SLC12A5: variants seen among roughly 807,000 people sequenced by gnomAD.
SLC12A5 encodes K-Cl cotransporter 2.
Under a neutral mutation model 124.0 loss-of-function variants are expected in SLC12A5, and 18 were observed. The observed-to-expected ratio is 0.15, with a 90% CI of 0.10 to 0.22. SLC12A5 has a LOEUF of 0.22. Ranked by LOEUF, SLC12A5 falls within the 10% of genes least tolerant of loss-of-function variation. The pLI is 1.00. For synonymous variants in SLC12A5, 589 were observed against 568.0 expected, an observed-to-expected ratio of 1.04 and a Z score of -0.53; for missense variants, 867 against 1,478.7, an observed-to-expected ratio of 0.59 and a Z score of 6.78.
chr20:46,037,859 G>T (rs899392441), intron 6 of SLC12A5, among the ~76,000 whole-genome samples: 4 of 152,178 alleles, frequency 2.6e-5, no homozygotes, highest in African/African-American at 7.2e-5. Flanking sequence ...ACTGTGCTAG[G>T]TACTCTATGA....
chr20:46,046,439 G>A lies in SLC12A5; in HGVS notation c.1787+3G>A. On this transcript the variant is annotated splice_donor_region_variant and intron_variant, in intron 14 of 25. Coordinates refer to ENST00000243964, the MANE Select transcript of SLC12A5 (RefSeq NM_020708.5). Reference sequence around the variant, plus strand: ...CCACGCTTTCGATATTACCACTGGTGGGTGCTCTGTCCCCACACTTCCACT... The same window carrying A: ...CCACGCTTTCGATATTACCACTGGTAGGTGCTCTGTCCCCACACTTCCACT... The A allele has an allele frequency of 1.2e-6, 2 of 1,613,856 alleles. No homozygotes were observed. Among genetic ancestry groups the A allele is most frequent in the Non-Finnish European group, 1.7e-6 (2 of 1,179,806 alleles).
At chr20:46,041,027 C>A (rs1401921920) in intron 7 of SLC12A5, 4 of 412,636 alleles carry the variant, frequency 9.7e-6, no homozygotes, top group Non-Finnish European at 1.8e-5. Flanking sequence ...GGACTCAGAT[C>A]CAAGTCCACT....
intron 16 of SLC12A5, among the ~76,000 whole-genome samples, chr20:46,048,989 C>A: frequency 6.6e-6 from 1 of 152,194 alleles, no homozygotes; most frequent in East Asian, 1.9e-4. Flanking sequence ...CAACCCCTCA[C>A]TCATCTCCCT....
intron 14 of SLC12A5, 106 bp from the exon 15 acceptor site, chr20:46,047,348 C>T: frequency 6.7e-7 from 1 of 1,487,736 alleles, no homozygotes; most frequent in South Asian, 1.3e-5. Flanking sequence ...CTGTCACCTC[C>T]CAGGTCTTGC....
chr20:46,035,334 C>A, intron 2 of SLC12A5, 70 bp from the exon 3 acceptor site: 1 of 1,558,402 alleles, frequency 6.4e-7, no homozygotes, highest in South Asian at 1.2e-5. Context: ...ATCTCTTCCT[C>A]TGCCCTTCGC....
chr20:46,057,234 T>C lies in SLC12A5; in HGVS notation c.3190T>C (p.Ser1064Pro). The C allele has an allele frequency of 6.2e-7, 1 of 1,614,118 alleles. No homozygotes were observed. Among genetic ancestry groups the C allele is most frequent in the Non-Finnish European group, 8.5e-7 (1 of 1,180,014 alleles). ...GCTGAACGAGGTCATCGTGAAGAAATCCCGGGACGCCAAGCTTGTTTTGCT... is the reference window on the plus strand; with the variant it reads ...GCTGAACGAGGTCATCGTGAAGAAACCCCGGGACGCCAAGCTTGTTTTGCT... ...VRLNEVIVKK[S>P]RDAKLVLLNM... is the part of the protein sequence containing the mutation. Residue 1064 changes from serine (S) to proline (P), a missense_variant, in exon 25 of 26, where the codon TCC becomes CCC. Coordinates refer to ENST00000243964, the MANE Select transcript of SLC12A5 (RefSeq NM_020708.5). This position sits in a 1 kb window ranked among gnomAD's most constrained non-coding sequence, Gnocchi z 7.1.
chr20:46,035,546 C>T lies in SLC12A5; in HGVS notation c.279+11C>T, dbSNP rs367964567. ...AAGAAGCCGGTGCAGGTGAGGACCTCGGGGGATGAGAAATGGAAGAAAAGG... is the reference window on the plus strand; with the variant it reads ...AAGAAGCCGGTGCAGGTGAGGACCTTGGGGGATGAGAAATGGAAGAAAAGG... On this transcript the variant is annotated intron_variant, in intron 3 of 25. Transcript: ENST00000243964. The T allele has an allele frequency of 1.5e-4, 194 of 1,289,512 alleles. No homozygotes were observed. Among genetic ancestry groups the T allele is most frequent in the Non-Finnish European group, 1.9e-4 (181 of 960,338 alleles). 79.9% of individuals were successfully genotyped at this position (1,289,512 alleles called of 1,614,324 possible).
At chr20:46,046,514 C>G in intron 14 of SLC12A5, 78 bp downstream of exon 14, 1 of 1,314,630 alleles carries the variant, frequency 7.6e-7, no homozygotes, top group Non-Finnish European at 1.1e-6. Context: ...CCAGTCCATC[C>G]CCTCTGGGTC....
rs2084700770 is a variant in SLC12A5, at chr20:46,056,883, T to C, written c.3111-14T>C. The stretch of plus-strand genomic sequence containing the variant: ...TTTTTCTTTCTCTCTTTGCATCTCT[T>C]GTGTTTCCTGAAGGGAGTGGGAGAA... On this transcript the variant is annotated splice_polypyrimidine_tract_variant and intron_variant, in intron 23 of 25. Transcript: ENST00000243964. The surrounding 1 kb of genome is among the most constrained non-coding windows in gnomAD (Gnocchi z 4.3). 6.2e-7 allele frequency: 1 copy of C among 1,613,688 alleles called. No homozygotes were observed. Among genetic ancestry groups the C allele is most frequent in the Non-Finnish European group, 8.5e-7 (1 of 1,179,598 alleles).
At chr20:46,050,728 G>A (rs2084639664) in intron 17 of SLC12A5, among the ~76,000 whole-genome samples, 1 of 152,236 alleles carries the variant, frequency 6.6e-6, no homozygotes, top group Non-Finnish European at 1.5e-5. Context: ...AGATGGAGAT[G>A]TTCAAGACCA....
Position 46,045,959 on chromosome 20 carries a change from A to T in SLC12A5, c.1651A>T (p.Ile551Phe). 1 of 1,614,042 alleles carries T rather than the reference A, an allele frequency of 6.2e-7. No homozygotes were observed. Among genetic ancestry groups the T allele is most frequent in the South Asian group, 1.1e-5 (1 of 91,068 alleles). ...TACICEIGIL[I>F]ASLDEVAPIL... is the part of the protein sequence containing the mutation. ...CTGCATCTGCGAGATTGGCATCCTCATTGCATCCCTCGACGAGGTGGCCCC... is the reference window on the plus strand; with the variant it reads ...CTGCATCTGCGAGATTGGCATCCTCTTTGCATCCCTCGACGAGGTGGCCCC... Residue 551 changes from isoleucine (I) to phenylalanine (F), a missense_variant, in exon 13 of 26, where the codon ATT (isoleucine) becomes TTT (phenylalanine). Coordinates refer to ENST00000243964, the MANE Select transcript of SLC12A5 (RefSeq NM_020708.5). The surrounding 1 kb of genome is among the most constrained non-coding windows in gnomAD (Gnocchi z 4.9).
At position 46,041,461 on chromosome 20, in the gene SLC12A5, C is replaced by T. The variant is rs1394179637; in HGVS notation, c.987C>T (p.Ala329=). Residue 329 remains alanine (A), a synonymous_variant, in exon 8 of 26, where the codon GCC becomes GCT. Coordinates refer to ENST00000243964, the MANE Select transcript of SLC12A5 (RefSeq NM_020708.5). ...GLFCSSRFLN[A]TCDEYFTRNN... ...TCTGCTCCTCTCGCTTCCTCAACGCCACCTGTGATGAATACTTCACCCGAA... is the reference window on the plus strand; with the variant it reads ...TCTGCTCCTCTCGCTTCCTCAACGCTACCTGTGATGAATACTTCACCCGAA... The T allele has an allele frequency of 1.2e-6, 2 of 1,614,162 alleles. No homozygotes were observed. The highest frequency in any genetic ancestry group is 1.1e-5 in the South Asian group (1 of 91,080).
At chr20:46,029,521 G>A (rs1484187108) in intron 1 of SLC12A5, 125 bp downstream of exon 1, 7 of 1,008,568 alleles carry the variant, frequency 6.9e-6, no homozygotes, top group Non-Finnish European at 1.0e-5. Context: ...GGCGGTGGGC[G>A]CCAGTTGCAG....
At chr20:46,032,841 C>T (rs935688915) in intron 1 of SLC12A5, among the ~76,000 whole-genome samples, 1 of 152,204 alleles carries the variant, frequency 6.6e-6, no homozygotes, top group African/African-American at 2.4e-5. Context: ...CCTTGTTTCT[C>T]CTGTTCTCTG....
Position 46,044,979 on chromosome 20 carries a change from G to A in SLC12A5, c.1408G>A (p.Val470Met), listed in dbSNP as rs1271200264. The A allele has an allele frequency of 1.9e-6, 3 of 1,614,232 alleles. No homozygotes were observed. Among genetic ancestry groups the A allele is most frequent in the Non-Finnish European group, 2.5e-6 (3 of 1,180,036 alleles). Reference sequence around the variant, plus strand: ...ACATCATTCCAGGTTTGGCGAAGCTGTGAATGGCAACCTCGTGGTGGGCAC... The same window carrying A: ...ACATCATTCCAGGTTTGGCGAAGCTATGAATGGCAACCTCGTGGTGGGCAC... ...VVLRDKFGEA[V>M]NGNLVVGTLA... is the part of the protein sequence containing the mutation. The change falls in exon 12 of 26, where the codon GTG (valine) becomes ATG (methionine). Residue 470 changes from valine to methionine, a missense_variant. This residue lies in a region of SLC12A5 where 152 missense variants were observed against 358.7 expected (regional missense o/e 0.42). Coordinates refer to ENST00000243964, the MANE Select transcript of SLC12A5 (RefSeq NM_020708.5).
intron 7 of SLC12A5, 142 bp from the exon 8 acceptor site, chr20:46,041,187 C>G (rs1233751401): frequency 1.5e-6 from 1 of 686,368 alleles, no homozygotes; most frequent in Non-Finnish European, 2.4e-6. Context: ...AGCCAATGGC[C>G]AGGCTTCATT....
intron 16 of SLC12A5, 80 bp downstream of exon 16, chr20:46,048,165 G>A (rs1247208302): frequency 1.5e-6 from 2 of 1,297,308 alleles, no homozygotes; most frequent in East Asian, 5.1e-5. Context: ...AAGGGAGCAG[G>A]GCCTGACTTA....
rs3737064 is a variant in SLC12A5 at position 46,056,706 on chromosome 20, G to A, written c.3110+142G>A. 1.1e-4 allele frequency: 122 copies of A among 1,129,076 alleles called. No homozygotes were observed. In the East Asian group the frequency reaches 2.8e-3, roughly 26 times the overall value. The allele number at this position is 1,129,076 out of a possible 1,614,324, so 69.9% of individuals were successfully genotyped here. A position where few individuals can be genotyped will look rare whatever the true frequency, so the allele number is the denominator to read the frequency against. ...ACATTGTCTTGGTTTCTCCATCTGA[G>A]GACTTAGGGGGTTGGGCCCCATTGC... On this transcript the variant is annotated intron_variant, in intron 23 of 25. Coordinates refer to ENST00000243964, the MANE Select transcript of SLC12A5 (RefSeq NM_020708.5). The surrounding 1 kb of genome is among the most constrained non-coding windows in gnomAD (Gnocchi z 4.3).
At chr20:46,052,012 G>A in intron 18 of SLC12A5, 142 bp downstream of exon 18, 1 of 734,794 alleles carries the variant, frequency 1.4e-6, no homozygotes, top group Non-Finnish European at 2.1e-6. Context: ...GCAGGTGACA[G>A]CAGTCAAGGC....
Sources: gnomAD v4.1 joint callset for allele counts (sites outside exome capture counted in the v4.1 genomes callset) on GRCh38, gnomAD v4.1.1 for gene constraint, gnomAD v4.1.1 regional missense constraint, Gnocchi (gnomAD v3.1) non-coding constraint, MANE v1.5 for transcripts, NCBI Gene and HGNC (gene_info 2026-07-23, HGNC 2026-07-21) for gene names.